The following RP1L1 variants were observed in gnomAD, a reference collection of about 807,000 sequenced individuals.
RP1L1 encodes the protein RP1 like 1.
RP1L1 carries 27 observed loss-of-function variants against 15.7 expected under a neutral mutation model. The ratio of observed to expected loss-of-function variants is 1.72; its 90% CI spans 1.27 to 2.38. The LOEUF (loss-of-function observed/expected upper bound fraction) is 2.38, where lower values mean the gene tolerates loss of function less well. Ranked by LOEUF, RP1L1 falls within the 30% of genes most tolerant of loss-of-function variation. The pLI is 0.00. For synonymous variants in RP1L1, 1,813 were observed against 1,276.7 expected, an observed-to-expected ratio of 1.42 and a Z score of -8.96; for missense variants, 4,798 against 3,075.9, an observed-to-expected ratio of 1.56 and a Z score of -13.24.
rs138339478 is a variant in RP1L1 at position 10,625,248 on chromosome 8, C to T, written c.-19-2028G>A. ...CAGGCCGCGCCCAGAGAGAGAACAC[C>T]CTACCTGCACCAAGCAACTCTCCAC... On this transcript the variant is annotated intron_variant, in intron 1 of 3. Coordinates refer to ENST00000382483, the MANE Select transcript of RP1L1 (RefSeq NM_178857.6). Among the ~76,000 whole-genome samples the T allele has an allele frequency of 7.9e-3, 1,210 of 152,236 alleles. 12 individuals carry two copies. The highest frequency in any genetic ancestry group is 0.027 in the African/African-American group (1,129 of 41,544).
intron 1 of RP1L1, among the ~76,000 whole-genome samples, chr8:10,628,566 A>C (rs1798192926): frequency 6.6e-6 from 1 of 152,204 alleles, no homozygotes; most frequent in Admixed American, 6.5e-5. Context: ...GAGAGGAGAA[A>C]CAACAGAGAG....
intron 1 of RP1L1, among the ~76,000 whole-genome samples, chr8:10,636,477 G>A (rs1225014570): frequency 6.6e-6 from 1 of 152,156 alleles, no homozygotes; most frequent in East Asian, 1.9e-4. Context: ...TAGTGGGATT[G>A]ACTGAGCCTC....
intron 1 of RP1L1, among the ~76,000 whole-genome samples, chr8:10,654,124 C>T (rs906912628): frequency 6.6e-6 from 1 of 152,154 alleles, no homozygotes; most frequent in Admixed American, 6.5e-5. Context: ...TGCTCACTTG[C>T]CGTTGGAACC....
In RP1L1 at chr8:10,609,503, G is replaced by A. The variant is rs774489259; in HGVS notation, c.4595C>T (p.Ala1532Val). Residue 1532 changes from alanine to valine, a missense_variant, in exon 4 of 4, where the codon GCC (alanine) becomes GTC (valine). Transcript: ENST00000382483. Reference protein sequence around the residue: ...LLKKTEKAFLAHLASAVAELR... With the variant: ...LLKKTEKAFLVHLASAVAELR... ...CTCAGCCACCGCACTGGCAAGGTGG[G>A]CCAGGAAGGCCTTCTCCGTCTTCTT... is the stretch of plus-strand genomic sequence containing the variant. 6.2e-6 allele frequency: 10 copies of A among 1,610,024 alleles called. No homozygotes were observed. The Admixed American group carries it at 1.7e-4, about 27-fold the overall frequency.
At chr8:10,622,505 T>G in intron 2 of RP1L1, 88 bp downstream of exon 2, 1 of 1,577,724 alleles carries the variant, frequency 6.3e-7, no homozygotes, top group Non-Finnish European at 8.7e-7. Flanking sequence ...TGCCTCTTTT[T>G]AAGGAATAAT....
chr8:10,647,755 G>A lies in RP1L1; in HGVS notation c.-20+7143C>T, dbSNP rs142037795. Among the ~76,000 whole-genome samples, 19 of 152,304 alleles carry A rather than the reference G, an allele frequency of 1.2e-4. No homozygotes were observed. In the East Asian group the frequency reaches 3.5e-3, roughly 28 times the overall value. On this transcript the variant is annotated intron_variant, in intron 1 of 3. Transcript: ENST00000382483. ...TCCATTCACTTATTGATGAATCCAT[G>A]GATTATTTCTACCTTTTGGCTATTG...
chr8:10,612,899 T>G lies in RP1L1; in HGVS notation c.1199A>C (p.Gln400Pro). 6.2e-7 allele frequency: 1 copy of G among 1,612,740 alleles called. No individual in the cohort carries two copies. Among genetic ancestry groups the G allele is most frequent in the Non-Finnish European group, 8.5e-7 (1 of 1,179,868 alleles). The change falls in exon 4 of 4, where the codon CAG (glutamine) becomes CCG (proline). Residue 400 changes from glutamine to proline, a missense_variant. Physicochemically the swap from Gln to Pro is moderately conservative, Grantham distance 76. Coordinates refer to ENST00000382483, the MANE Select transcript of RP1L1 (RefSeq NM_178857.6). ...GCREVFGRGGQPGPKYEIWTN... is the reference protein window; with the variant it reads ...GCREVFGRGGPPGPKYEIWTN... ...CCAGATTTCATACTTGGGCCCTGGC[T>G]GCCCGCCTCGGCCAAAGACTTCCCT...
In RP1L1 at chr8:10,611,406, T is replaced by A; in HGVS notation, c.2692A>T (p.Thr898Ser). The change falls in exon 4 of 4, where the codon ACG becomes TCG. Residue 898 changes from threonine to serine, a missense_variant. Transcript: ENST00000382483. ...PQEGTRQPGP[T>S]PSPGPNSGAS... is the part of the protein sequence containing the mutation. Reference sequence around the variant, plus strand: ...CCTGAATTGGGGCCTGGGGACGGCGTGGGGCCTGGCTGGCGTGTCCCCTCC... The same window carrying A: ...CCTGAATTGGGGCCTGGGGACGGCGAGGGGCCTGGCTGGCGTGTCCCCTCC... 6.3e-7 allele frequency: 1 copy of A among 1,598,240 alleles called. No individual in the cohort carries two copies. The highest frequency in any genetic ancestry group is 8.5e-7 in the Non-Finnish European group (1 of 1,174,238).
intron 1 of RP1L1, among the ~76,000 whole-genome samples, chr8:10,650,279 A>G (rs901564376): frequency 2.0e-5 from 3 of 151,974 alleles, no homozygotes; most frequent in African/African-American, 7.2e-5. Flanking sequence ...AGGAAAACAA[A>G]CCCCACATTC....
intron 1 of RP1L1, among the ~76,000 whole-genome samples, chr8:10,644,226 TG>T (rs1394825480): frequency 6.6e-6 from 1 of 151,102 alleles, no homozygotes; most frequent in African/African-American, 2.4e-5. Flanking sequence ...ACCAGCATGC[TG>T]GTCTCACTAG....
At chr8:10,644,285 CAA>C (rs35056017) in intron 1 of RP1L1, among the ~76,000 whole-genome samples, 1,430 of 132,676 alleles carry the variant, frequency 0.011, 27 homozygotes, top group African/African-American at 0.035. Flanking sequence ...ACCTTCTTCT[CAA>C]AAAAAAAAAA....
rs1466057632 is a variant in RP1L1 at position 10,609,451 on chromosome 8, G to A, written c.4647C>T (p.Asp1549=). 2 of 1,612,370 alleles carry A rather than the reference G, an allele frequency of 1.2e-6. No individual in the cohort carries two copies. Among genetic ancestry groups the A allele is most frequent in the African/African-American group, 2.7e-5 (2 of 74,940 alleles). The part of the protein sequence containing the change: ...AELRARWGLQ[D]NDLLDQMAAE... ...CCGCCATCTGGTCCAGCAGATCATT[G>A]TCCTGCAGGCCCCAGCGTGCTCGGA... Residue 1549 remains aspartate, a synonymous_variant, in exon 4 of 4, where the codon GAC becomes GAT. Coordinates refer to ENST00000382483, the MANE Select transcript of RP1L1 (RefSeq NM_178857.6).
chr8:10,633,986 C>T (rs1035510123), intron 1 of RP1L1, among the ~76,000 whole-genome samples: 5 of 152,090 alleles, frequency 3.3e-5, no homozygotes, highest in Admixed American at 3.3e-4. Flanking sequence ...AGAAGGGTGC[C>T]CGAGGGCCTG....
intron 1 of RP1L1, among the ~76,000 whole-genome samples, chr8:10,625,601 C>G (rs192430842): frequency 8.5e-5 from 13 of 152,272 alleles, no homozygotes; most frequent in African/African-American, 2.9e-4. Flanking sequence ...CATGACTGAG[C>G]GATAAAGGCG....
chr8:10,653,609 ACG>A, intron 1 of RP1L1, among the ~76,000 whole-genome samples: 1 of 151,634 alleles, frequency 6.6e-6, no homozygotes. Context: ...ATGTGCGCAC[ACG>A]CACCTGTACA....
chr8:10,618,116 GTTGGCTCTCT>G (rs1798000218), intron 2 of RP1L1, among the ~76,000 whole-genome samples: 2 of 152,302 alleles, frequency 1.3e-5, no homozygotes, highest in Middle Eastern at 3.4e-3. Context: ...AAGCATTGAT[GTTGGCTCTCT>G]CATTGGCCAG....
chr8:10,625,442 C>G (rs930296191), intron 1 of RP1L1, among the ~76,000 whole-genome samples: 1 of 123,080 alleles, frequency 8.1e-6, no homozygotes, highest in African/African-American at 3.1e-5. Context: ...CTGGAGGGTG[C>G]GTGTGGGGTG....
chr8:10,622,988 C>G lies in RP1L1; in HGVS notation c.214G>C (p.Val72Leu), dbSNP rs374370511. 1.2e-6 allele frequency: 2 copies of G among 1,614,136 alleles called. No individual in the cohort carries two copies. The highest frequency in any genetic ancestry group is 1.7e-5 in the Admixed American group (1 of 60,022). Residue 72 changes from valine (V) to leucine (L), a missense_variant, in exon 2 of 4, where the codon GTG becomes CTG. By Grantham distance (32) the Val-to-Leu change is conservative (BLOSUM62 1). Coordinates refer to ENST00000382483, the MANE Select transcript of RP1L1 (RefSeq NM_178857.6). The stretch of plus-strand genomic sequence containing the variant: ...GAGCGCACCCCAAAGGAGAGAGGCA[C>G]GCGCTGGGAGAGCTCGTCCATGAGG... ...SALMDELSQRVPLSFGVRSVT... is the reference protein window; with the variant it reads ...SALMDELSQRLPLSFGVRSVT...
chr8:10,621,699 G>T (rs1263946799), intron 2 of RP1L1: 2 of 498,234 alleles, frequency 4.0e-6, no homozygotes, highest in Non-Finnish European at 8.0e-6. Flanking sequence ...ATCTTGAGGA[G>T]ACTGTGAATT....
Sources: allele counts gnomAD v4.1 joint callset (sites outside exome capture counted in the v4.1 genomes callset), GRCh38; gene constraint gnomAD v4.1.1; transcripts MANE v1.5; gene names NCBI Gene and HGNC (gene_info 2026-07-23, HGNC 2026-07-21).